GCA: variants seen among roughly 807,000 people sequenced by gnomAD.
The protein encoded by GCA is grancalcin.
GCA carries 30 observed loss-of-function variants against 32.6 expected under a neutral mutation model. That is an observed-to-expected ratio of 0.92 (90% CI 0.69 to 1.25). The LOEUF (loss-of-function observed/expected upper bound fraction) is 1.25, where lower values mean the gene tolerates loss of function less well. GCA is among the 50% of genes most tolerant of loss of function. GCA has a pLI of 0.00. For missense variants in GCA, 291 were observed against 266.8 expected (o/e 1.09, Z -0.63); for synonymous variants, 102 against 84.6 (o/e 1.21, Z -1.13).
intron 1 of GCA, among the ~76,000 whole-genome samples, chr2:162,326,872 C>T (rs1437050091): frequency 3.3e-5 from 5 of 152,120 alleles, no homozygotes; most frequent in Non-Finnish European, 5.9e-5. Flanking sequence ...AGAAAGCAAG[C>T]GTCCTCCCTC....
chr2:162,371,806 G>C, downstream of GCA: 1 of 1,591,680 alleles, frequency 6.3e-7, no homozygotes, highest in Non-Finnish European at 8.6e-7. Flanking sequence ...TACATTGTAT[G>C]TGGAGTAAAT....
chr2:162,345,393 G>A lies in GCA; in HGVS notation c.27+1118G>A, dbSNP rs1488428898. ...GTGGGTCTTTAAAAACGTCCCTAGC[G>A]TATACGTATTTTCATTTGGTTGAAG... On this transcript the variant is annotated intron_variant, in intron 1 of 7. Transcript: ENST00000437150. Among the ~76,000 whole-genome samples the A allele has an allele frequency of 2.0e-5, 3 of 152,070 alleles. No homozygotes were observed. In the East Asian group the frequency reaches 5.8e-4, roughly 29 times the overall value.
chr2:162,344,231 C>G lies in GCA; in HGVS notation c.-18C>G. The G allele has an allele frequency of 6.2e-7, 1 of 1,613,638 alleles. No individual in the cohort carries two copies. The highest frequency in any genetic ancestry group is 8.5e-7 in the Non-Finnish European group (1 of 1,179,854). ...ACGCGACTCGAGGGTGACGCTCGCTCCGCTCGTCCCGCTCGTCATGGCCTA... is the reference window on the plus strand; with the variant it reads ...ACGCGACTCGAGGGTGACGCTCGCTGCGCTCGTCCCGCTCGTCATGGCCTA... On this transcript the variant is annotated 5_prime_UTR_variant, in exon 1 of 8. Coordinates refer to ENST00000437150, the MANE Select transcript of GCA (RefSeq NM_012198.5).
chr2:162,323,407 G>A (rs182571787), intron 1 of GCA, among the ~76,000 whole-genome samples: 2,746 of 151,890 alleles, frequency 0.018, 162 homozygotes, highest in African/African-American at 0.064. Context: ...AAGCTCTTTA[G>A]TTTAATTAGA....
rs533447853 is a variant in GCA, at chr2:162,359,726, A to G, written c.627+174A>G. Among the ~76,000 whole-genome samples, 34 of 151,320 alleles carry G rather than the reference A, an allele frequency of 2.2e-4. No homozygotes were observed. In the South Asian group the frequency reaches 7.1e-3, roughly 31 times the overall value. ...AGATTAATATTGGTATAGGTGCCAA[A>G]CAATTTGACTTCATGTTAAATTGTA... On this transcript the variant is annotated intron_variant, in intron 7 of 7. Transcript: ENST00000437150.
chr2:162,360,650 C>A lies in GCA; in HGVS notation c.*407C>A. 1 of 1,262,272 alleles carries A rather than the reference C, an allele frequency of 7.9e-7. No individual in the cohort carries two copies. The allele number at this position is 1,262,272 out of a possible 1,614,324, so 78.2% of individuals were successfully genotyped here. A position where few individuals can be genotyped will look rare whatever the true frequency, so the allele number is the denominator to read the frequency against. On this transcript the variant is annotated 3_prime_UTR_variant, in exon 8 of 8. Coordinates refer to ENST00000437150, the MANE Select transcript of GCA (RefSeq NM_012198.5). The stretch of plus-strand genomic sequence containing the variant: ...GTTACAAATTAGACTTTTAAATTTT[C>A]TTTGTAGTTGGTGGTGTTTGAGGGT...
chr2:162,319,765 A>C (rs530392244), intron 1 of GCA, among the ~76,000 whole-genome samples: 1 of 152,350 alleles, frequency 6.6e-6, no homozygotes, highest in African/African-American at 2.4e-5. Flanking sequence ...GTCCAGAATT[A>C]TATAAAGGAT....
intron 1 of GCA, among the ~76,000 whole-genome samples, chr2:162,325,815 A>G (rs1345172321): frequency 6.6e-6 from 1 of 152,162 alleles, no homozygotes; most frequent in Non-Finnish European, 1.5e-5. Context: ...TTTAGGTGAA[A>G]TTCTGGAAAG....
intron 1 of GCA, among the ~76,000 whole-genome samples, chr2:162,333,598 A>C (rs1182823792): frequency 6.6e-6 from 1 of 152,156 alleles, no homozygotes; most frequent in African/African-American, 2.4e-5. Context: ...GTCTCAAGGG[A>C]CATATTCATA....
chr2:162,331,489 A>G (rs549690794), intron 1 of GCA, among the ~76,000 whole-genome samples: 17 of 152,330 alleles, frequency 1.1e-4, no homozygotes, highest in African/African-American at 3.8e-4. Context: ...TGGGGCCTTT[A>G]GGAGGAGGTT....
chr2:162,355,572 A>T (rs770739906), intron 3 of GCA, among the ~76,000 whole-genome samples: 4 of 152,076 alleles, frequency 2.6e-5, no homozygotes, highest in Non-Finnish European at 5.9e-5. Context: ...TAGTCTTGAG[A>T]TATGTCAGCA....
At chr2:162,351,562 AT>A (rs1410547466) in intron 2 of GCA, among the ~76,000 whole-genome samples, 1 of 152,180 alleles carries the variant, frequency 6.6e-6, no homozygotes, top group Non-Finnish European at 1.5e-5. Flanking sequence ...AGTGTTAATA[AT>A]ATTTCTTAGA....
downstream of GCA, among the ~76,000 whole-genome samples, chr2:162,364,005 C>G (rs1238923917): frequency 6.6e-6 from 1 of 151,384 alleles, no homozygotes; most frequent in African/African-American, 2.4e-5. Flanking sequence ...TCTGTAACAT[C>G]AGAGATGGTG....
At chr2:162,358,156 C>G (rs1052047988) in intron 5 of GCA, among the ~76,000 whole-genome samples, 1 of 151,422 alleles carries the variant, frequency 6.6e-6, no homozygotes, top group Non-Finnish European at 1.5e-5. Context: ...GTCTACAAAT[C>G]CAGTAATGTA....
chr2:162,354,780 G>C (rs1259115276), intron 3 of GCA, among the ~76,000 whole-genome samples: 2 of 152,040 alleles, frequency 1.3e-5, no homozygotes, highest in Non-Finnish European at 2.9e-5. Context: ...TTTGTTTCCT[G>C]TCTAATTCTC....
intron 1 of GCA, among the ~76,000 whole-genome samples, chr2:162,335,414 CAAAAAAAAAAA>C (rs573005587): frequency 5.1e-5 from 3 of 58,298 alleles, no homozygotes; most frequent in Non-Finnish European, 1.2e-4. Flanking sequence ...GACTCTGTCT[CAAAAAAAAAAA>C]AAAAAAAAGG....
intron 2 of GCA, among the ~76,000 whole-genome samples, chr2:162,351,629 G>C (rs1182767975): frequency 6.6e-6 from 1 of 152,046 alleles, no homozygotes; most frequent in Admixed American, 6.6e-5. Flanking sequence ...ATGAAGAGTA[G>C]GTTTTAAATT....
intron 1 of GCA, among the ~76,000 whole-genome samples, chr2:162,334,981 C>T (rs1435214162): frequency 6.6e-6 from 1 of 152,164 alleles, no homozygotes; most frequent in African/African-American, 2.4e-5. Context: ...AAAACTGCTC[C>T]TAGATTTTCT....
chr2:162,355,975 CAA>C (rs1415384249), intron 3 of GCA, among the ~76,000 whole-genome samples: 1 of 151,944 alleles, frequency 6.6e-6, no homozygotes, highest in Non-Finnish European at 1.5e-5. Context: ...GGGTAGTATT[CAA>C]AAGTTTCATG....
Sources: gnomAD v4.1 joint callset for allele counts (sites outside exome capture counted in the v4.1 genomes callset) on GRCh38, gnomAD v4.1.1 for gene constraint, MANE v1.5 for transcripts, NCBI Gene and HGNC (gene_info 2026-07-23, HGNC 2026-07-21) for gene names.